The following SEMA3C variants were observed in gnomAD, a reference collection of about 807,000 sequenced individuals.
SEMA3C encodes semaphorin-3C.
A neutral mutation model predicts 89.4 loss-of-function variants in SEMA3C; 47 were observed. The ratio of observed to expected loss-of-function variants is 0.53; its 90% CI spans 0.42 to 0.67. The LOEUF (loss-of-function observed/expected upper bound fraction) is 0.67, where lower values mean the gene tolerates loss of function less well. SEMA3C is among the 30% of genes least tolerant of loss of function. The pLI, the probability that SEMA3C is intolerant of heterozygous loss-of-function variation, is 0.00. For missense variants in SEMA3C, 839 were observed against 929.1 expected (o/e 0.90, Z 1.26); for synonymous variants, 310 against 320.2 (o/e 0.97, Z 0.34).
chr7:80,880,374 C>T (rs895078144), intron 2 of SEMA3C, among the ~76,000 whole-genome samples: 7 of 152,252 alleles, frequency 4.6e-5, no homozygotes, highest in Admixed American at 4.6e-4. Flanking sequence ...AGTACAAGTA[C>T]TTGTTCTGTT....
chr7:80,829,751 G>A (rs1444151577), intron 2 of SEMA3C, among the ~76,000 whole-genome samples: 2 of 152,134 alleles, frequency 1.3e-5, no homozygotes, highest in East Asian at 1.9e-4. Context: ...TCAACGTATC[G>A]TGACATTCAT....
intron 2 of SEMA3C, among the ~76,000 whole-genome samples, chr7:80,904,679 C>G: frequency 6.6e-6 from 1 of 152,194 alleles, no homozygotes; most frequent in East Asian, 1.9e-4. Context: ...AGTTCCCTGA[C>G]ACTTTCATGT....
At chr7:80,804,745 C>G (rs1789296392) in intron 7 of SEMA3C, among the ~76,000 whole-genome samples, 1 of 152,038 alleles carries the variant, frequency 6.6e-6, no homozygotes, top group Non-Finnish European at 1.5e-5. Context: ...TTCCTTATTT[C>G]AAGAACAAAA....
At chr7:80,885,103 G>C (rs2116119009) in intron 2 of SEMA3C, among the ~76,000 whole-genome samples, 1 of 152,250 alleles carries the variant, frequency 6.6e-6, no homozygotes, top group African/African-American at 2.4e-5. Context: ...AGACAAGAAA[G>C]ACAATTCTTA....
intron 12 of SEMA3C, among the ~76,000 whole-genome samples, chr7:80,785,851 G>T (rs1788789233): frequency 6.6e-6 from 1 of 152,188 alleles, no homozygotes; most frequent in Non-Finnish European, 1.5e-5. Context: ...CAGGTGATCT[G>T]CTGGCCTTGG....
chr7:80,802,819 A>C, intron 8 of SEMA3C, 40 bp from the exon 9 acceptor site: 1 of 1,469,522 alleles, frequency 6.8e-7, no homozygotes, highest in Non-Finnish European at 9.5e-7. Context: ...TTGCTTAAGT[A>C]AATATTGAAG....
intron 3 of SEMA3C, 72 bp from the exon 4 acceptor site, chr7:80,827,559 T>C: frequency 1.6e-6 from 2 of 1,263,694 alleles, no homozygotes; most frequent in Non-Finnish European, 2.2e-6. Context: ...CTTCATTTAC[T>C]TTTTGTTAAC....
At chr7:80,854,639 C>T (rs750423279) in intron 2 of SEMA3C, among the ~76,000 whole-genome samples, 1 of 152,114 alleles carries the variant, frequency 6.6e-6, no homozygotes, top group Non-Finnish European at 1.5e-5. Context: ...CAGTTGGGTA[C>T]AAGACCTGCA....
At chr7:80,754,609 A>G (rs1045710013) in intron 15 of SEMA3C, among the ~76,000 whole-genome samples, 3 of 152,246 alleles carry the variant, frequency 2.0e-5, no homozygotes, top group Non-Finnish European at 4.4e-5. Context: ...AAGTTAGGAC[A>G]TAATTTGGAG....
chr7:80,912,816 C>A (rs1332620625), intron 2 of SEMA3C, among the ~76,000 whole-genome samples: 1 of 152,118 alleles, frequency 6.6e-6, no homozygotes, highest in South Asian at 2.1e-4. Context: ...ATTTCTTGGG[C>A]AACCACAACA....
At chr7:80,862,696 C>T (rs1412699010) in intron 2 of SEMA3C, among the ~76,000 whole-genome samples, 1 of 152,154 alleles carries the variant, frequency 6.6e-6, no homozygotes, top group Non-Finnish European at 1.5e-5. Context: ...TCAAACTATA[C>T]TATAAGGCCA....
At chr7:80,864,089 G>A (rs957243742) in intron 2 of SEMA3C, among the ~76,000 whole-genome samples, 2 of 151,874 alleles carry the variant, frequency 1.3e-5, no homozygotes, top group East Asian at 3.9e-4. Context: ...AACAGCATTG[G>A]CAGCAACCTG....
chr7:80,856,575 T>A, intron 2 of SEMA3C, among the ~76,000 whole-genome samples: 2 of 137,472 alleles, frequency 1.5e-5, no homozygotes, highest in Admixed American at 7.1e-5. Context: ...GGAATAGGAA[T>A]TTATGCTGAA....
rs539839807 is a variant in SEMA3C, at chr7:80,903,857, T to C, written c.103+12822A>G. ...TGTTCCCACTTCCACAAGTGACATA[T>C]TTTTGTGAGTGACAGGAAGCCTTCC... On this transcript the variant is annotated intron_variant, in intron 2 of 17. Transcript: ENST00000265361. Among the ~76,000 whole-genome samples, 4 of 152,188 alleles carry C rather than the reference T, an allele frequency of 2.6e-5. No individual in the cohort carries two copies. In the South Asian group the frequency reaches 6.2e-4, roughly 24 times the overall value.
At chr7:80,830,451 G>A (rs1236682496) in intron 2 of SEMA3C, among the ~76,000 whole-genome samples, 9 of 152,044 alleles carry the variant, frequency 5.9e-5, no homozygotes, top group Admixed American at 5.9e-4. Context: ...TAAAATAGAT[G>A]TATGTTTTCC....
At position 80,867,151 on chromosome 7, in the gene SEMA3C, T is replaced by C. The variant is rs549295662; in HGVS notation, c.104-38406A>G. Among the ~76,000 whole-genome samples the C allele has an allele frequency of 2.6e-5, 4 of 152,354 alleles. No individual in the cohort carries two copies. The East Asian group carries it at 7.7e-4, about 29-fold the overall frequency. On this transcript the variant is annotated intron_variant, in intron 2 of 17. Coordinates refer to ENST00000265361, the MANE Select transcript of SEMA3C (RefSeq NM_006379.5). ...GGGTGTTCATAATAATATTTTCTGA[T>C]TAATGGTTGTAGAAAAAGACTTTAT...
At chr7:80,814,652 A>G (rs982211499) in intron 5 of SEMA3C, among the ~76,000 whole-genome samples, 5 of 152,030 alleles carry the variant, frequency 3.3e-5, no homozygotes, top group African/African-American at 4.8e-5. Context: ...CAACAGACCA[A>G]ACTCAGGCTT....
chr7:80,888,687 T>C (rs1374247661), intron 2 of SEMA3C, among the ~76,000 whole-genome samples: 9 of 152,114 alleles, frequency 5.9e-5, no homozygotes, highest in African/African-American at 2.4e-5. Context: ...GTCAAAAGTA[T>C]GAAGATTTTT....
At chr7:80,767,592 T>C (rs1788332802) in intron 12 of SEMA3C, among the ~76,000 whole-genome samples, 1 of 152,344 alleles carries the variant, frequency 6.6e-6, no homozygotes, top group South Asian at 2.1e-4. Flanking sequence ...ACTTAAAATG[T>C]TTTTATTAAC....
Sources: gnomAD v4.1 joint callset for allele counts (sites outside exome capture counted in the v4.1 genomes callset) on GRCh38, gnomAD v4.1.1 for gene constraint, MANE v1.5 for transcripts, NCBI Gene and HGNC (gene_info 2026-07-23, HGNC 2026-07-21) for gene names.